Variants in DAB1 observed in about 807,000 individuals in gnomAD.
The protein encoded by DAB1 is DAB adaptor protein 1, also known as disabled homolog 1.
DAB1 carries 15 observed loss-of-function variants against 64.6 expected under a neutral mutation model. The observed-to-expected ratio is 0.23, with a 90% CI of 0.16 to 0.36. DAB1 has a LOEUF of 0.36. DAB1 is among the 10% of genes least tolerant of loss of function. The pLI is 1.00. For synonymous variants in DAB1, 235 were observed against 251.9 expected, an observed-to-expected ratio of 0.93 and a Z score of 0.64; for missense variants, 596 against 706.7, an observed-to-expected ratio of 0.84 and a Z score of 1.78.
intron 2 of DAB1, among the ~76,000 whole-genome samples, chr1:58,514,809 G>A (rs1646135182): frequency 6.6e-6 from 1 of 152,082 alleles, no homozygotes; most frequent in African/African-American, 2.4e-5. Flanking sequence ...TTTCCAGCAG[G>A]CAAATATAAG....
At chr1:57,987,219 C>CT (rs1194176688) in intron 5 of DAB1, among the ~76,000 whole-genome samples, 2 of 152,204 alleles carry the variant, frequency 1.3e-5, no homozygotes, top group Non-Finnish European at 2.9e-5. Context: ...ATAATGGGAA[C>CT]TGCAGCTCCC....
chr1:57,039,195 A>C (rs921962981), intron 9 of DAB1, among the ~76,000 whole-genome samples: 6 of 152,194 alleles, frequency 3.9e-5, no homozygotes, highest in African/African-American at 1.4e-4. Flanking sequence ...TTTAAGCCTC[A>C]GTTTCCCCCA....
At chr1:58,541,614 C>CAAAAAAAAAAAAAAACAAAA (rs1646617391) in intron 1 of DAB1, 1 of 65,622 alleles carries the variant, frequency 1.5e-5, no homozygotes, top group African/African-American at 5.9e-5. Context: ...GAGAACCTGT[C>CAAAAAAAAAAAAAAACAAAA]AAAAAAAAAA....
rs553423 is a variant in DAB1 at position 58,185,120 on chromosome 1, A to G, written n.310-34532T>C. On this transcript the variant is annotated intron_variant and non_coding_transcript_variant, in intron 4 of 20. Coordinates refer to the DAB1 transcript ENST00000485760. ...GTTATCTTTTCTATTCATTAGAATAATATAAGTGAAACCACTACTAGTTTG... is the reference window on the plus strand; with the variant it reads ...GTTATCTTTTCTATTCATTAGAATAGTATAAGTGAAACCACTACTAGTTTG... Among the ~76,000 whole-genome samples the G allele has an allele frequency of 3.3e-3, 501 of 152,372 alleles. 3 individuals are homozygous for G. Among genetic ancestry groups the G allele is most frequent in the African/African-American group, 0.011 (478 of 41,602 alleles).
chr1:58,199,502 G>A (rs1657883682), intron 4 of DAB1, among the ~76,000 whole-genome samples: 1 of 152,068 alleles, frequency 6.6e-6, no homozygotes, highest in Non-Finnish European at 1.5e-5. Context: ...TTTGTAAAAT[G>A]AGGATAAGAG....
Position 57,402,872 on chromosome 1 carries a change from T to C in DAB1, c.-137+21058A>G, listed in dbSNP as rs539679923. ...ATAAAAGAATGGTCCCATTAAATGATAGAAGCCTGCTATGTGAATTAGATT... is the reference window on the plus strand; with the variant it reads ...ATAAAAGAATGGTCCCATTAAATGACAGAAGCCTGCTATGTGAATTAGATT... On this transcript the variant is annotated intron_variant, in intron 1 of 14. Coordinates refer to ENST00000371236, the MANE Select transcript of DAB1 (RefSeq NM_001365792.1). 2.6e-5 allele frequency among the ~76,000 whole-genome samples: 4 copies of C among 152,252 alleles called. No homozygotes were observed. In the South Asian group the frequency reaches 8.3e-4, roughly 32 times the overall value.
chr1:58,216,065 T>C (rs1417527512), intron 4 of DAB1, among the ~76,000 whole-genome samples: 1 of 152,170 alleles, frequency 6.6e-6, no homozygotes, highest in East Asian at 1.9e-4. Context: ...AGTTCTGGGA[T>C]ACATATGCAG....
chr1:58,374,541 C>T (rs1644304263), intron 3 of DAB1, among the ~76,000 whole-genome samples: 1 of 150,262 alleles, frequency 6.7e-6, no homozygotes, highest in Admixed American at 6.6e-5. Flanking sequence ...TGATCTATAT[C>T]TCTGTTTTGG....
chr1:58,135,568 G>C (rs1653897043), intron 5 of DAB1, among the ~76,000 whole-genome samples: 1 of 151,632 alleles, frequency 6.6e-6, no homozygotes, highest in South Asian at 2.1e-4. Flanking sequence ...TTAGATTTAG[G>C]GGTGCATGTG....
chr1:57,011,361 G>C lies in DAB1; in HGVS notation c.1445-89C>G, dbSNP rs697580. On this transcript the variant is annotated intron_variant, in intron 12 of 14. Coordinates refer to ENST00000371236, the MANE Select transcript of DAB1 (RefSeq NM_001365792.1). ...GAAACCTCAGGAATCTGCTTATATT[G>C]AAGTCAAATCTTAGGATTCCTCTTC... The C allele has an allele frequency of 0.16, 238,974 of 1,469,518 alleles. 28,804 individuals are homozygous for C. Among genetic ancestry groups the C allele is most frequent in the African/African-American group, 0.54 (38,299 of 70,692 alleles). 91.0% of individuals were successfully genotyped at this position (1,469,518 alleles called of 1,614,324 possible).
rs1168457065 is a variant in DAB1 at position 57,240,505 on chromosome 1, A to C, written c.67+50459T>G. ...GACATACCAATACTAAAATGCCAGCATTATTATCCCTACACTACACATGAG... is the reference window on the plus strand; with the variant it reads ...GACATACCAATACTAAAATGCCAGCCTTATTATCCCTACACTACACATGAG... On this transcript the variant is annotated intron_variant, in intron 2 of 14. Transcript: ENST00000371236. Among the ~76,000 whole-genome samples the C allele has an allele frequency of 2.0e-5, 3 of 152,160 alleles. No individual in the cohort carries two copies. The East Asian group carries it at 5.8e-4, about 29-fold the overall frequency.
chr1:58,035,329 TCA>T (rs1647028856), intron 5 of DAB1, among the ~76,000 whole-genome samples: 1 of 152,206 alleles, frequency 6.6e-6, no homozygotes, highest in African/African-American at 2.4e-5. Flanking sequence ...AATTGCGGAA[TCA>T]CAAGCAGATA....
At chr1:57,483,047 T>C (rs1644043992) in intron 7 of DAB1, among the ~76,000 whole-genome samples, 2 of 152,154 alleles carry the variant, frequency 1.3e-5, no homozygotes, top group African/African-American at 4.8e-5. Flanking sequence ...ATATCTTAAA[T>C]AGAAAAGTAG....
rs184285466 is a variant in DAB1 at position 57,840,095 on chromosome 1, T to C, written n.88-13640A>G. ...AAAGAGGAGAAATAGGAGACTGTTATTGATAAAACACCTGTTATGCCATGG... is the reference window on the plus strand; with the variant it reads ...AAAGAGGAGAAATAGGAGACTGTTACTGATAAAACACCTGTTATGCCATGG... On this transcript the variant is annotated intron_variant and non_coding_transcript_variant, in intron 1 of 1. Transcript: ENST00000477280. Among the ~76,000 whole-genome samples, 36 of 152,356 alleles carry C rather than the reference T, an allele frequency of 2.4e-4. No homozygotes were observed. In the East Asian group the frequency reaches 4.4e-3, roughly 19 times the overall value.
intron 7 of DAB1, among the ~76,000 whole-genome samples, chr1:57,549,260 T>C (rs1644888805): frequency 6.6e-6 from 1 of 152,198 alleles, no homozygotes; most frequent in Non-Finnish European, 1.5e-5. Context: ...TGTAAACTTC[T>C]CCAAGGCAGG....
intron 7 of DAB1, among the ~76,000 whole-genome samples, chr1:57,636,207 G>A (rs920729236): frequency 2.0e-5 from 3 of 151,712 alleles, no homozygotes; most frequent in Non-Finnish European, 4.4e-5. Flanking sequence ...GAAAGGCCAC[G>A]TGAAGCTACA....
chr1:58,005,601 C>T (rs145531049), intron 5 of DAB1, among the ~76,000 whole-genome samples: 2,618 of 116,472 alleles, frequency 0.022, 37 homozygotes, highest in Non-Finnish European at 0.035. Context: ...TGTGCGCCTG[C>T]CTTGGTTAAA....
intron 4 of DAB1, among the ~76,000 whole-genome samples, chr1:58,185,669 A>G (rs1236595058): frequency 6.6e-6 from 1 of 152,174 alleles, no homozygotes; most frequent in Non-Finnish European, 1.5e-5. Flanking sequence ...TCTCCTGGAA[A>G]CTCAGACCAA....
intron 4 of DAB1, among the ~76,000 whole-genome samples, chr1:58,321,777 A>G (rs565546882): frequency 1.3e-5 from 2 of 152,254 alleles, no homozygotes; most frequent in Non-Finnish European, 2.9e-5. Flanking sequence ...AACTGGGCGG[A>G]GCCCACTGCA....
Sources: allele counts gnomAD v4.1 joint callset (sites outside exome capture counted in the v4.1 genomes callset), GRCh38; gene constraint gnomAD v4.1.1; transcripts MANE v1.5; gene names NCBI Gene and HGNC (gene_info 2026-07-23, HGNC 2026-07-21).